Variants in PXMP4 observed in about 807,000 individuals in gnomAD.
The protein encoded by PXMP4 is peroxisomal membrane protein 4.
In PXMP4, 16 loss-of-function variants were observed where a neutral mutation model predicts 21.6. That is an observed-to-expected ratio of 0.74 (90% CI 0.50 to 1.13). The LOEUF (loss-of-function observed/expected upper bound fraction) is 1.13, where lower values mean the gene tolerates loss of function less well. Ranked by LOEUF, PXMP4 falls within the 50% of genes most tolerant of loss-of-function variation. The pLI, the probability that PXMP4 is intolerant of heterozygous loss-of-function variation, is 0.00. For synonymous variants in PXMP4, 127 were observed against 123.8 expected, an observed-to-expected ratio of 1.03 and a Z score of -0.17; for missense variants, 240 against 277.7, an observed-to-expected ratio of 0.86 and a Z score of 0.96.
rs563262229 is a variant in PXMP4, at chr20:33,705,866, A to G, written c.*1840T>C. On this transcript the variant is annotated 3_prime_UTR_variant, in exon 4 of 4. Transcript: ENST00000409299. ...GTTCAAATCTTGATTCGGCTGTTAT[A>G]CTAGCTGTATTACCTTGGGCAAGTT... The G allele has an allele frequency of 6.6e-6, 1 of 152,280 alleles. No individual in the cohort carries two copies. The highest frequency in any genetic ancestry group is 2.4e-5 in the African/African-American group (1 of 41,566). The allele number at this position is 152,280 out of a possible 1,614,324, so 9.4% of individuals were successfully genotyped here. A position where few individuals can be genotyped will look rare whatever the true frequency, so the allele number is the denominator to read the frequency against.
In PXMP4 at chr20:33,707,770, T is replaced by C. The variant is rs1341080283; in HGVS notation, c.575A>G (p.Asp192Gly). 1 of 1,614,062 alleles carries C rather than the reference T, an allele frequency of 6.2e-7. No homozygotes were observed. The highest frequency in any genetic ancestry group is 8.5e-7 in the Non-Finnish European group (1 of 1,180,044). Reference sequence around the variant, plus strand: ...TGAGATGTCGTGCCATACATTGCTGTCCTCATAGAGGTAGGTCATGGAGGA... The same window carrying C: ...TGAGATGTCGTGCCATACATTGCTGCCCTCATAGAGGTAGGTCATGGAGGA... Reference protein sequence around the residue: ...LQSSMTYLYEDSNVWHDISDF... With the variant: ...LQSSMTYLYEGSNVWHDISDF... Residue 192 changes from aspartate to glycine, a missense_variant, in exon 4 of 4, where the codon GAC (aspartate) becomes GGC (glycine). By Grantham distance (94) the Asp-to-Gly change is moderately conservative. Coordinates refer to ENST00000409299, the MANE Select transcript of PXMP4 (RefSeq NM_007238.5).
At chr20:33,708,046 T>C in intron 3 of PXMP4, 77 bp from the exon 4 acceptor site, 1 of 1,471,482 alleles carries the variant, frequency 6.8e-7, no homozygotes, top group Non-Finnish European at 9.1e-7. Flanking sequence ...TAATAATTTG[T>C]TTCATTTCTC....
At chr20:33,714,821 C>T (rs372200141) in intron 1 of PXMP4, 85 bp from the exon 2 acceptor site, 4 of 1,314,912 alleles carry the variant, frequency 3.0e-6, no homozygotes, top group East Asian at 2.3e-5. Flanking sequence ...CTTGTTCTCT[C>T]CCCCCATCCC....
rs1179804754 is a variant in PXMP4 at position 33,705,961 on chromosome 20, T to C, written c.*1745A>G. 6.6e-6 allele frequency: 1 copy of C among 152,160 alleles called. No homozygotes were observed. The highest frequency in any genetic ancestry group is 1.5e-5 in the Non-Finnish European group (1 of 68,074). 9.4% of individuals were successfully genotyped at this position (152,160 alleles called of 1,614,324 possible). ...TTTTTTTTTAGACACAGTCTCGCTCTGTGGCCCAGGCTGGAGTGCAGTCGT... is the reference window on the plus strand; with the variant it reads ...TTTTTTTTTAGACACAGTCTCGCTCCGTGGCCCAGGCTGGAGTGCAGTCGT... On this transcript the variant is annotated 3_prime_UTR_variant, in exon 4 of 4. Transcript: ENST00000409299.
At chr20:33,708,657 G>A (rs573341753) in intron 3 of PXMP4, among the ~76,000 whole-genome samples, 2 of 151,830 alleles carry the variant, frequency 1.3e-5, no homozygotes, top group African/African-American at 4.8e-5. Flanking sequence ...ATATGTGACA[G>A]CCAATAAAAA....
rs2018315764 is a variant in PXMP4, at chr20:33,710,555, C to T, written c.375G>A (p.Gln125=). The change falls in exon 3 of 4, where the codon CAG becomes CAA. Residue 125 remains glutamine, a splice_region_variant and synonymous_variant. Transcript: ENST00000409299. ...ACCCCCATCTCGGGAGGATCTTTAC[C>T]TGGCTGTTGATGTTATTGTTTTCTC... ...VFGENNNINS[Q]INMYLLSRVL... The T allele has an allele frequency of 6.3e-7, 1 of 1,597,516 alleles. No individual in the cohort carries two copies. Among genetic ancestry groups the T allele is most frequent in the African/African-American group, 1.4e-5 (1 of 74,034 alleles).
chr20:33,704,491 A>G lies in PXMP4; in HGVS notation c.*3215T>C, dbSNP rs574454146. On this transcript the variant is annotated 3_prime_UTR_variant, in exon 4 of 4. Coordinates refer to ENST00000409299, the MANE Select transcript of PXMP4 (RefSeq NM_007238.5). ...CCTGCTGCGTGGCCTGGTTCCGAAC[A>G]GGCCATGGACCGGTACCGGGGTTGC... The G allele has an allele frequency of 2.0e-5, 3 of 152,382 alleles. No individual in the cohort carries two copies. The East Asian group carries it at 5.8e-4, about 29-fold the overall frequency. The allele number at this position is 152,382 out of a possible 1,614,324, so 9.4% of individuals were successfully genotyped here. A position where few individuals can be genotyped will look rare whatever the true frequency, so the allele number is the denominator to read the frequency against.
At chr20:33,715,598 G>A (rs2018374842) in intron 1 of PXMP4, among the ~76,000 whole-genome samples, 1 of 149,808 alleles carries the variant, frequency 6.7e-6, no homozygotes, top group Non-Finnish European at 1.5e-5. Context: ...GCTAATTTTT[G>A]TATTTTTAGT....
At chr20:33,709,002 T>TA (rs2018293722) in intron 3 of PXMP4, among the ~76,000 whole-genome samples, 1 of 152,080 alleles carries the variant, frequency 6.6e-6, no homozygotes, top group Non-Finnish European at 1.5e-5. Flanking sequence ...CAAAGAACAT[T>TA]AAAAAACAAC....
intron 2 of PXMP4, among the ~76,000 whole-genome samples, chr20:33,713,207 C>T (rs1022550151): frequency 6.6e-6 from 1 of 152,188 alleles, no homozygotes; most frequent in African/African-American, 2.4e-5. Flanking sequence ...AGGACCAACC[C>T]AGGTCAAGCT....
chr20:33,709,288 C>G lies in PXMP4; in HGVS notation c.375+1267G>C, dbSNP rs956447431. On this transcript the variant is annotated intron_variant, in intron 3 of 3. Transcript: ENST00000409299. Reference sequence around the variant, plus strand: ...CTCCAGCCTGGGCAACAGAGTAAGACTGTCTCAACAAAAACAAAACAGAAC... The same window carrying G: ...CTCCAGCCTGGGCAACAGAGTAAGAGTGTCTCAACAAAAACAAAACAGAAC... Among the ~76,000 whole-genome samples the G allele has an allele frequency of 2.0e-5, 3 of 152,280 alleles. No individual in the cohort carries two copies. In the East Asian group the frequency reaches 5.8e-4, roughly 29 times the overall value.
intron 1 of PXMP4, among the ~76,000 whole-genome samples, chr20:33,717,660 T>TAAAAAAAAAAAAAAAAAAAAA (rs2018398410): frequency 1.8e-5 from 2 of 109,054 alleles, no homozygotes; most frequent in African/African-American, 8.3e-5. Context: ...AAAAAAAAAT[T>TAAAAAAAAAAAAAAAAAAAAA]ATTAAATATT....
chr20:33,719,179 A>C (rs2018419935), intron 1 of PXMP4, among the ~76,000 whole-genome samples: 1 of 152,222 alleles, frequency 6.6e-6, no homozygotes, highest in Non-Finnish European at 1.5e-5. Context: ...TACAGGTGTG[A>C]GCCACCGTGG....
At chr20:33,713,848 G>A (rs1461411825) in intron 2 of PXMP4, among the ~76,000 whole-genome samples, 1 of 152,162 alleles carries the variant, frequency 6.6e-6, no homozygotes, top group African/African-American at 2.4e-5. Context: ...ACACTAGACC[G>A]CAACCCGTTT....
rs6088283 is a variant in PXMP4 at position 33,710,633 on chromosome 20, G to A, written c.297C>T (p.Thr99=). The A allele has an allele frequency of 6.2e-7, 1 of 1,614,012 alleles. No homozygotes were observed. Among genetic ancestry groups the A allele is most frequent in the Non-Finnish European group, 8.5e-7 (1 of 1,179,978 alleles). ...RALQSYIQGK[T]YPAHAFLAAF... ...CCGCCAGGAATGCGTGTGCTGGGTAGGTCTTGCCTTGTATGTAGGACTGCA... is the reference window on the plus strand; with the variant it reads ...CCGCCAGGAATGCGTGTGCTGGGTAAGTCTTGCCTTGTATGTAGGACTGCA... Residue 99 remains threonine (T), a synonymous_variant, in exon 3 of 4, where the codon ACC becomes ACT. Transcript: ENST00000409299.
intron 3 of PXMP4, 87 bp from the exon 4 acceptor site, chr20:33,708,056 CTTT>C (rs955620723): frequency 7.0e-7 from 1 of 1,424,934 alleles, no homozygotes; most frequent in African/African-American, 1.4e-5. Flanking sequence ...TTTCATTTCT[CTTT>C]TTTTCTTAGA....
chr20:33,717,677 G>A (rs1001496220), intron 1 of PXMP4, among the ~76,000 whole-genome samples: 9 of 144,528 alleles, frequency 6.2e-5, no homozygotes, highest in South Asian at 2.2e-4. Flanking sequence ...TATTTTAAAT[G>A]TTACATAATT....
In PXMP4 at chr20:33,720,218, G is replaced by A; in HGVS notation, c.-11C>T. 6.2e-7 allele frequency: 1 copy of A among 1,604,622 alleles called. No homozygotes were observed. The highest frequency in any genetic ancestry group is 8.5e-7 in the Non-Finnish European group (1 of 1,175,588). On this transcript the variant is annotated 5_prime_UTR_variant, in exon 1 of 4. Coordinates refer to ENST00000409299, the MANE Select transcript of PXMP4 (RefSeq NM_007238.5). Reference sequence around the variant, plus strand: ...CGGCGGGGCTGCCATAGTGCGGGCTGCGCGCAGGGTCGGGGTTAGGAACTG... The same window carrying A: ...CGGCGGGGCTGCCATAGTGCGGGCTACGCGCAGGGTCGGGGTTAGGAACTG...
chr20:33,718,152 G>C (rs893065445), intron 1 of PXMP4, among the ~76,000 whole-genome samples: 1 of 151,934 alleles, frequency 6.6e-6, no homozygotes, highest in Non-Finnish European at 1.5e-5. Flanking sequence ...ACATACTATT[G>C]TCTCCCCAAA....
Sources: gnomAD v4.1 joint callset for allele counts (sites outside exome capture counted in the v4.1 genomes callset) on GRCh38, gnomAD v4.1.1 for gene constraint, MANE v1.5 for transcripts, NCBI Gene and HGNC (gene_info 2026-07-23, HGNC 2026-07-21) for gene names.